Variants in ESF1 observed in about 807,000 individuals in gnomAD.
The protein encoded by ESF1 is ESF1 homolog.
In ESF1, 58 loss-of-function variants were observed where a neutral mutation model predicts 92.0. The observed-to-expected ratio is 0.63, with a 90% CI of 0.51 to 0.78. The LOEUF (loss-of-function observed/expected upper bound fraction) is 0.78, where lower values mean the gene tolerates loss of function less well. Ranked by LOEUF, ESF1 falls within the 30% of genes least tolerant of loss-of-function variation. The pLI, the probability that ESF1 is intolerant of heterozygous loss-of-function variation, is 0.00. For missense variants in ESF1, 922 were observed against 989.1 expected (o/e 0.93, Z 0.91); for synonymous variants, 321 against 313.7 (o/e 1.02, Z -0.24).
At position 13,775,230 on chromosome 20, in the gene ESF1, C is replaced by A; in HGVS notation, c.1076G>T (p.Arg359Ile). 1 of 1,611,354 alleles carries A rather than the reference C, an allele frequency of 6.2e-7. No individual in the cohort carries two copies. The highest frequency in any genetic ancestry group is 8.5e-7 in the Non-Finnish European group (1 of 1,179,200). Residue 359 changes from arginine to isoleucine, a missense_variant, in exon 4 of 14, where the codon AGA (arginine) becomes ATA (isoleucine). Coordinates refer to ENST00000617257, the MANE Select transcript of ESF1 (RefSeq NM_001276380.2). ...RLAVCNMDWDRLKAKDLLALF... is the reference protein window; with the variant it reads ...RLAVCNMDWDILKAKDLLALF... ...AGCCAGCAAATCTTTTGCCTTTAAT[C>A]TATCCCAGTCCATGTTACAAACTGC...
At chr20:13,731,111 G>C (rs2147730719) in intron 10 of ESF1, among the ~76,000 whole-genome samples, 1 of 152,126 alleles carries the variant, frequency 6.6e-6, no homozygotes, top group South Asian at 2.1e-4. Context: ...CAAATGAATG[G>C]AAAAAGTAAA....
chr20:13,722,829 C>T (rs2049876938), intron 11 of ESF1, among the ~76,000 whole-genome samples: 1 of 150,292 alleles, frequency 6.7e-6, no homozygotes, highest in African/African-American at 2.4e-5. Context: ...GCACTCCACC[C>T]TGAGTGACAG....
At chr20:13,737,810 T>A (rs1333028348) in intron 9 of ESF1, among the ~76,000 whole-genome samples, 1 of 150,978 alleles carries the variant, frequency 6.6e-6, no homozygotes, top group Non-Finnish European at 1.5e-5. Context: ...CACGCCACCA[T>A]GCCAGACTAA....
chr20:13,715,849 G>A (rs569394370), intron 13 of ESF1, among the ~76,000 whole-genome samples: 3 of 152,278 alleles, frequency 2.0e-5, no homozygotes, highest in Admixed American at 2.0e-4. Flanking sequence ...AAGTCCACCT[G>A]GAGATAGATT....
At chr20:13,782,380 C>T (rs1980229583) in intron 2 of ESF1, 124 bp downstream of exon 2, 1 of 762,552 alleles carries the variant, frequency 1.3e-6, no homozygotes, top group Non-Finnish European at 1.9e-6. Context: ...TTTGTATTTC[C>T]AGATAAGCAT....
In ESF1 at chr20:13,717,551, T is replaced by G. The variant is rs1291798666; in HGVS notation, c.2116-37A>C. The G allele has an allele frequency of 1.9e-6, 3 of 1,606,296 alleles. 1 individual carries two copies. The South Asian group carries it at 3.3e-5, about 18-fold the overall frequency. On this transcript the variant is annotated intron_variant, in intron 12 of 13. Coordinates refer to ENST00000617257, the MANE Select transcript of ESF1 (RefSeq NM_001276380.2). ...AAAAAAAAGTTCAAATGTACAACAG[T>G]GCTTTTTTTTCCACCCCCAAAAAGG...
intron 9 of ESF1, among the ~76,000 whole-genome samples, chr20:13,755,488 G>T (rs1978852203): frequency 6.6e-6 from 1 of 152,102 alleles, no homozygotes. Context: ...ATTCCTCAAC[G>T]AGGTACATTT....
At chr20:13,778,364 A>C (rs1980035464) in intron 2 of ESF1, among the ~76,000 whole-genome samples, 1 of 152,144 alleles carries the variant, frequency 6.6e-6, no homozygotes, top group South Asian at 2.1e-4. Context: ...ACTTTTAAGC[A>C]ACAAGCTTAG....
intron 8 of ESF1, among the ~76,000 whole-genome samples, chr20:13,760,211 C>T (rs112946933): frequency 0.013 from 1,905 of 151,410 alleles, 49 homozygotes; most frequent in African/African-American, 0.044. Flanking sequence ...TCTGCCTGGC[C>T]GCCCATCGTC....
chr20:13,729,910 C>A (rs569248350), intron 10 of ESF1, among the ~76,000 whole-genome samples: 21 of 152,262 alleles, frequency 1.4e-4, no homozygotes, highest in Admixed American at 1.2e-3. Flanking sequence ...TAAGATCAGG[C>A]TAACCAGACT....
intron 9 of ESF1, among the ~76,000 whole-genome samples, chr20:13,742,725 GA>G (rs1056227564): frequency 4.0e-5 from 6 of 150,204 alleles, no homozygotes; most frequent in East Asian, 1.9e-4. Context: ...AATATTAAGT[GA>G]AAAAAAAATC....
intron 11 of ESF1, 52 bp downstream of exon 11, chr20:13,728,326 T>A (rs954065324): frequency 1.8e-5 from 25 of 1,385,498 alleles, no homozygotes; most frequent in African/African-American, 2.9e-5. Flanking sequence ...TCCATGTACC[T>A]CACCTTTTTC....
chr20:13,761,280 G>A (rs1434318876), intron 8 of ESF1, among the ~76,000 whole-genome samples: 1 of 151,608 alleles, frequency 6.6e-6, no homozygotes. Flanking sequence ...GAAAACCAGA[G>A]ATCTTTGTTC....
At chr20:13,771,570 A>T (rs1175383371) in intron 5 of ESF1, 87 bp from the exon 6 acceptor site, 1 of 1,123,540 alleles carries the variant, frequency 8.9e-7, no homozygotes, top group East Asian at 2.4e-5. Flanking sequence ...TTCAAGAAAA[A>T]CATATTACAA....
At position 13,717,405 on chromosome 20, in the gene ESF1, AGCT is replaced by A. The variant is rs754397403; in HGVS notation, c.2222_2224del (p.Gln741del). 1.7e-5 allele frequency: 27 copies of A among 1,614,014 alleles called. 1 individual carries two copies. The Admixed American group carries it at 2.8e-4, about 17-fold the overall frequency. On this transcript the variant is annotated inframe_deletion, in exon 13 of 14. Transcript: ENST00000617257. ...CTCTATTAATTCCTTCTTTTTCATG[AGCT>A]GCTTTTTCTTCTTTTTGCTCAGATT...
Position 13,717,440 on chromosome 20 carries a change from C to T in ESF1, c.2190G>A (p.Glu730=), listed in dbSNP as rs1278034365. 10 of 1,613,990 alleles carry T rather than the reference C, an allele frequency of 6.2e-6. No homozygotes were observed. The African/African-American group carries it at 9.3e-5, about 15-fold the overall frequency. The stretch of plus-strand genomic sequence containing the variant: ...TCTTCTTTTTGCTCAGATTCTGGTG[C>T]TCCACAATCTTGTTGTAATTGAAGT... ...KKHFNYNKIV[E]HQNLSKKKKK... is the part of the protein sequence containing the mutation. The change falls in exon 13 of 14, where the codon GAG becomes GAA. Residue 730 remains glutamate (E), a synonymous_variant. Transcript: ENST00000617257.
chr20:13,719,404 TTACA>T (rs1465956950), intron 11 of ESF1, among the ~76,000 whole-genome samples: 4 of 152,060 alleles, frequency 2.6e-5, no homozygotes, highest in Non-Finnish European at 5.9e-5. Flanking sequence ...TTTAGAAAGA[TTACA>T]TAGATTCCAT....
chr20:13,760,961 C>T (rs1204257440), intron 8 of ESF1, among the ~76,000 whole-genome samples: 1 of 152,170 alleles, frequency 6.6e-6, no homozygotes, highest in African/African-American at 2.4e-5. Flanking sequence ...GGGGAAAAGA[C>T]TGAGAAATCG....
intron 2 of ESF1, 36 bp downstream of exon 2, chr20:13,782,468 G>A: frequency 6.9e-7 from 1 of 1,458,234 alleles, no homozygotes; most frequent in South Asian, 1.7e-5. Context: ...AATAAATAAT[G>A]TAACACCCAA....
Sources: gnomAD v4.1 joint callset for allele counts (sites outside exome capture counted in the v4.1 genomes callset) on GRCh38, gnomAD v4.1.1 for gene constraint, MANE v1.5 for transcripts, NCBI Gene and HGNC (gene_info 2026-07-23, HGNC 2026-07-21) for gene names.